RBFOX1: variants seen among roughly 807,000 people sequenced by gnomAD.
RBFOX1 encodes RNA binding protein fox-1 homolog 1.
RBFOX1 carries 8 observed loss-of-function variants against 57.7 expected under a neutral mutation model. That is an observed-to-expected ratio of 0.14 (90% CI 0.08 to 0.25). The LOEUF is 0.25. Ranked by LOEUF, RBFOX1 falls within the 10% of genes least tolerant of loss-of-function variation. The probability of loss-of-function intolerance (pLI) is 1.00; values close to 1 mark genes in which losing one functional copy is unlikely to be tolerated. For synonymous variants in RBFOX1, 326 were observed against 222.4 expected, an observed-to-expected ratio of 1.47 and a Z score of -4.15; for missense variants, 611 against 548.5, an observed-to-expected ratio of 1.11 and a Z score of -1.14.
chr16:6,848,250 C>A (rs1027412461), intron 3 of RBFOX1, among the ~76,000 whole-genome samples: 8 of 152,096 alleles, frequency 5.3e-5, no homozygotes, highest in Admixed American at 6.5e-5. Context: ...CAAAGGGAGT[C>A]ACTTCACAGC....
intron 1 of RBFOX1, among the ~76,000 whole-genome samples, chr16:6,183,822 C>G (rs2097086398): frequency 6.6e-6 from 1 of 152,074 alleles, no homozygotes; most frequent in South Asian, 2.1e-4. Flanking sequence ...GGGGTAGAAG[C>G]TAGGAGGGGA....
intron 2 of RBFOX1, among the ~76,000 whole-genome samples, chr16:5,535,343 G>A (rs1372912719): frequency 1.3e-5 from 2 of 152,086 alleles, no homozygotes; most frequent in African/African-American, 4.8e-5. Flanking sequence ...CCATCCTGGG[G>A]CACAATTCAT....
chr16:6,892,775 C>CCTCCCT (rs2065795759), intron 3 of RBFOX1, among the ~76,000 whole-genome samples: 10 of 84,734 alleles, frequency 1.2e-4, no homozygotes, highest in African/African-American at 4.6e-4. Flanking sequence ...TCCCTGTCTC[C>CCTCCCT]CTCTCTCTCT....
At chr16:5,733,206 A>C (rs2052446461) in intron 3 of RBFOX1, among the ~76,000 whole-genome samples, 4 of 152,174 alleles carry the variant, frequency 2.6e-5, no homozygotes, top group Admixed American at 2.6e-4. Context: ...ATTAGAATTA[A>C]AGAGACTGGG....
intron 4 of RBFOX1, among the ~76,000 whole-genome samples, chr16:5,890,269 A>T (rs1029049837): frequency 2.0e-4 from 31 of 152,188 alleles, no homozygotes; most frequent in African/African-American, 7.5e-4. Context: ...CTCTCTCCTT[A>T]GCAGACACTG....
chr16:5,662,089 A>T (rs2151390840), intron 3 of RBFOX1, among the ~76,000 whole-genome samples: 1 of 152,206 alleles, frequency 6.6e-6, no homozygotes, highest in South Asian at 2.1e-4. Context: ...CCCGGCCAAA[A>T]CTTAGACATC....
At chr16:6,209,680 C>G (rs890097308) in intron 1 of RBFOX1, among the ~76,000 whole-genome samples, 1 of 152,326 alleles carries the variant, frequency 6.6e-6, no homozygotes, top group South Asian at 2.1e-4. Context: ...AAGCTAAGCA[C>G]AGACTGTCTG....
chr16:6,682,567 G>A (rs1223937000), intron 3 of RBFOX1, among the ~76,000 whole-genome samples: 1 of 152,130 alleles, frequency 6.6e-6, no homozygotes, highest in African/African-American at 2.4e-5. Flanking sequence ...TTGCTGCGGA[G>A]AGTGTCCTGT....
At chr16:6,312,915 A>C (rs189850501) in intron 1 of RBFOX1, among the ~76,000 whole-genome samples, 2 of 152,332 alleles carry the variant, frequency 1.3e-5, no homozygotes, top group Non-Finnish European at 2.9e-5. Flanking sequence ...CTGGTGAGAC[A>C]GGCAAACTTT....
rs555265235 is a variant in RBFOX1 at position 7,354,271 on chromosome 16, C to T, written c.28-163876C>T. 5.3e-5 allele frequency among the ~76,000 whole-genome samples: 8 copies of T among 152,068 alleles called. No individual in the cohort carries two copies. In the South Asian group the frequency reaches 6.2e-4, roughly 12 times the overall value. On this transcript the variant is annotated intron_variant, in intron 4 of 15. Transcript: ENST00000550418. Reference sequence around the variant, plus strand: ...CAGGTGTGAGCCACCATGCTTGGCCCGAATTGTATATTTTAAAGTGTGAAC... The same window carrying T: ...CAGGTGTGAGCCACCATGCTTGGCCTGAATTGTATATTTTAAAGTGTGAAC...
At chr16:5,425,105 C>CTATCTATCTATTTATT (rs59907603) in intron 1 of RBFOX1, among the ~76,000 whole-genome samples, 1 of 131,462 alleles carries the variant, frequency 7.6e-6, no homozygotes, top group Non-Finnish European at 1.6e-5. Flanking sequence ...ATCTATCTAT[C>CTATCTATCTATTTATT]TATCTATCTA....
intron 4 of RBFOX1, among the ~76,000 whole-genome samples, chr16:7,457,967 T>C (rs969640924): frequency 6.6e-6 from 1 of 152,176 alleles, no homozygotes; most frequent in East Asian, 1.9e-4. Flanking sequence ...ACATGCTGTT[T>C]CCTGAAAGGC....
chr16:7,086,395 T>G lies in RBFOX1; in HGVS notation c.27+34297T>G, dbSNP rs2059984092. The stretch of plus-strand genomic sequence containing the variant: ...TGTACATTGTATGTTTTAATATTAA[T>G]TTCTTCTTTATCCATATATCAATAA... On this transcript the variant is annotated intron_variant, in intron 4 of 15. Coordinates refer to ENST00000550418, the MANE Select transcript of RBFOX1 (RefSeq NM_018723.4). Among the ~76,000 whole-genome samples, 5 of 152,192 alleles carry G rather than the reference T, an allele frequency of 3.3e-5. No homozygotes were observed. In the South Asian group the frequency reaches 1.0e-3, roughly 32 times the overall value.
chr16:5,667,037 G>A (rs1037648253), intron 3 of RBFOX1, among the ~76,000 whole-genome samples: 1 of 152,284 alleles, frequency 6.6e-6, no homozygotes, highest in South Asian at 2.1e-4. Flanking sequence ...TTTCATTTGA[G>A]GTTGATAAGA....
intron 3 of RBFOX1, among the ~76,000 whole-genome samples, chr16:6,693,032 C>G (rs1341329640): frequency 1.3e-5 from 2 of 149,616 alleles, no homozygotes; most frequent in Admixed American, 6.7e-5. Flanking sequence ...AACATCATCC[C>G]CATCCACTAC....
intron 3 of RBFOX1, among the ~76,000 whole-genome samples, chr16:6,812,895 G>C (rs932542925): frequency 6.6e-6 from 1 of 152,164 alleles, no homozygotes; most frequent in African/African-American, 2.4e-5. Flanking sequence ...CATCATGTCA[G>C]AGTGACGATG....
chr16:5,823,831 C>G (rs968370376), intron 3 of RBFOX1, among the ~76,000 whole-genome samples: 4 of 152,270 alleles, frequency 2.6e-5, no homozygotes, highest in Admixed American at 2.0e-4. Context: ...CCCACTGATT[C>G]TACATTACAG....
At chr16:7,287,987 T>C in intron 4 of RBFOX1, among the ~76,000 whole-genome samples, 1 of 152,212 alleles carries the variant, frequency 6.6e-6, no homozygotes, top group Middle Eastern at 3.4e-3. Flanking sequence ...GAACGAAAAA[T>C]CCAAACCAAT....
intron 12 of RBFOX1, among the ~76,000 whole-genome samples, chr16:7,657,682 A>G (rs535527460): frequency 6.6e-6 from 1 of 152,322 alleles, no homozygotes; most frequent in South Asian, 2.1e-4. Flanking sequence ...ATGCAGCTGA[A>G]GAACATCGGT....
Sources: gnomAD v4.1 joint callset for allele counts (sites outside exome capture counted in the v4.1 genomes callset) on GRCh38, gnomAD v4.1.1 for gene constraint, MANE v1.5 for transcripts, NCBI Gene and HGNC (gene_info 2026-07-23, HGNC 2026-07-21) for gene names.